Variants in KIAA1210 observed in about 807,000 individuals in gnomAD.
The protein encoded by KIAA1210 is KIAA1210, also known as acrosomal protein KIAA1210.
A neutral mutation model predicts 78.9 loss-of-function variants in KIAA1210; 48 were observed. The observed-to-expected ratio is 0.61, with a 90% CI of 0.48 to 0.77. The LOEUF (loss-of-function observed/expected upper bound fraction) is 0.77, where lower values mean the gene tolerates loss of function less well. Among genes scored for constraint, KIAA1210 ranks in the 30% least tolerant of loss-of-function variants. The pLI is 0.00. For missense variants in KIAA1210, 1,108 were observed against 1,100.0 expected, an observed-to-expected ratio of 1.01 and a Z score of -0.10; for synonymous variants, 406 against 404.5, an observed-to-expected ratio of 1.00 and a Z score of -0.04.
intron 8 of KIAA1210, among the ~76,000 whole-genome samples, chrX:119,093,410 CTTG>C (rs760180194): frequency 6.2e-5 from 7 of 112,200 alleles, no homozygotes; most frequent in Non-Finnish European, 1.3e-4. Flanking sequence ...AAACACCTCT[CTTG>C]TTGGAAATTC....
chrX:119,113,746 T>C (rs1042423494), intron 3 of KIAA1210, among the ~76,000 whole-genome samples: 2 of 111,699 alleles, frequency 1.8e-5, no homozygotes, highest in Admixed American at 1.9e-4. Context: ...AAAATGTGTA[T>C]GTTTATATAA....
chrX:119,123,571 G>T lies in KIAA1210; in HGVS notation c.61+11C>A. 8.6e-7 allele frequency: 1 copy of T among 1,163,959 alleles called. No homozygotes were observed. The highest frequency in any genetic ancestry group is 1.2e-6 in the Non-Finnish European group (1 of 855,704). On this transcript the variant is annotated intron_variant, in intron 2 of 11. Coordinates refer to ENST00000691062, the MANE Select transcript of KIAA1210 (RefSeq NM_001394962.1). ...TAATTCTGGTTATCAAAGTTTTATT[G>T]GGTTACTTACCCTCATCACCGGCCT...
At chrX:119,105,186 G>A in intron 5 of KIAA1210, 39 bp from the exon 6 acceptor site, 1 of 1,128,176 alleles carries the variant, frequency 8.9e-7, no homozygotes, top group East Asian at 3.2e-5. Flanking sequence ...TTTAAAACCT[G>A]TGCTCTCTTC....
intron 2 of KIAA1210, among the ~76,000 whole-genome samples, chrX:119,137,483 G>A (rs1364511988): frequency 8.9e-6 from 1 of 112,530 alleles, no homozygotes; most frequent in Non-Finnish European, 1.9e-5. Context: ...CCGAGTCATA[G>A]CCCCTCTTTG....
intron 2 of KIAA1210, among the ~76,000 whole-genome samples, chrX:119,119,985 AAAAAAAAAAAGAAAG>A (rs1392007159): frequency 1.1e-5 from 1 of 90,617 alleles, no homozygotes; most frequent in Non-Finnish European, 2.4e-5. Context: ...CAAAAAAAAA[AAAAAAAAAAAGAAAG>A]AAAGAAAAGA....
intron 5 of KIAA1210, 95 bp downstream of exon 5, chrX:119,108,242 G>A: frequency 1.2e-6 from 1 of 860,727 alleles, no homozygotes; most frequent in Non-Finnish European, 1.7e-6. Context: ...CTAGCCCAGG[G>A]GTCACACAGC....
At chrX:119,108,314 G>A (rs768679792) in intron 5 of KIAA1210, 23 bp downstream of exon 5, 15 of 1,195,646 alleles carry the variant, frequency 1.3e-5, no homozygotes, top group East Asian at 6.0e-5. Context: ...CTGCCCATGC[G>A]CTGAACAATT....
At position 119,080,954 on chromosome X, in the gene KIAA1210, A is replaced by G. The variant is rs1368400326; in HGVS notation, c.*375T>C. The stretch of plus-strand genomic sequence containing the variant: ...ACTACATAGAATTAATACAGCTATT[A>G]GCAATTATCATTTAAAACGCTGATG... On this transcript the variant is annotated 3_prime_UTR_variant, in exon 12 of 12. Transcript: ENST00000691062. 1 of 120,007 alleles carries G rather than the reference A, an allele frequency of 8.3e-6. No homozygotes were observed. The highest frequency in any genetic ancestry group is 1.7e-5 in the Non-Finnish European group (1 of 58,427). 9.9% of individuals were successfully genotyped at this position (120,007 alleles called of 1,213,427 possible). A position where few individuals can be genotyped will look rare whatever the true frequency, so the allele number is the denominator to read the frequency against.
chrX:119,087,509 C>T lies in KIAA1210; in HGVS notation c.3193G>A (p.Asp1065Asn), dbSNP rs776695772. 6.9e-5 allele frequency: 84 copies of T among 1,209,139 alleles called. 1 individual carries two copies. In the South Asian group the frequency reaches 1.4e-3, roughly 20 times the overall value. ...KPEVKHQVFS[D>N]SGSANPKGGI... ...CCCTTAGGATTAGCACTCCCTGAAT[C>T]TGAGAAAACTTGGTGCTTGACTTCA... The change falls in exon 9 of 12, where the codon GAT becomes AAT. Residue 1065 changes from aspartate (D) to asparagine (N), a missense_variant. Coordinates refer to ENST00000691062, the MANE Select transcript of KIAA1210 (RefSeq NM_001394962.1).
In KIAA1210 at chrX:119,081,172, C is replaced by T; in HGVS notation, c.*157G>A. 2 of 356,869 alleles carry T rather than the reference C, an allele frequency of 5.6e-6. No homozygotes were observed. The highest frequency in any genetic ancestry group is 8.9e-6 in the Non-Finnish European group (2 of 224,445). 29.4% of individuals were successfully genotyped at this position (356,869 alleles called of 1,213,427 possible). Reference sequence around the variant, plus strand: ...GTCCCAGCTAGTCGGGAGACTGAGGCGGGAGAGTGGCGTGAACCCGGGAGG... The same window carrying T: ...GTCCCAGCTAGTCGGGAGACTGAGGTGGGAGAGTGGCGTGAACCCGGGAGG... On this transcript the variant is annotated 3_prime_UTR_variant, in exon 12 of 12. Transcript: ENST00000691062.
At chrX:119,092,745 A>T (rs1333767145) in intron 8 of KIAA1210, among the ~76,000 whole-genome samples, 1 of 100,513 alleles carries the variant, frequency 9.9e-6, no homozygotes, top group Non-Finnish European at 2.0e-5. Context: ...TGGGTGACAG[A>T]GTGAGACTCC....
At chrX:119,092,223 C>A (rs1170827001) in intron 8 of KIAA1210, among the ~76,000 whole-genome samples, 1 of 111,938 alleles carries the variant, frequency 8.9e-6, no homozygotes, top group African/African-American at 3.3e-5. Flanking sequence ...TACTCCTCTC[C>A]TTTCTTCTAG....
At chrX:119,100,328 TAA>T (rs35969490) in intron 6 of KIAA1210, among the ~76,000 whole-genome samples, 859 of 46,522 alleles carry the variant, frequency 0.018, 17 homozygotes, top group African/African-American at 0.045. Context: ...AGACTGTCTT[TAA>T]AAAAAAAAAA....
At position 119,083,008 on chromosome X, in the gene KIAA1210, C is replaced by T. The variant is rs1176131036; in HGVS notation, c.4426+7G>A. The T allele has an allele frequency of 1.7e-6, 2 of 1,170,256 alleles. No individual in the cohort carries two copies. Among genetic ancestry groups the T allele is most frequent in the Non-Finnish European group, 2.3e-6 (2 of 865,505 alleles). Reference sequence around the variant, plus strand: ...GTTTTTTGAGAGGTCAGAATGTATGCTTTTACCTGATTTTGTAGGCTTAGG... The same window carrying T: ...GTTTTTTGAGAGGTCAGAATGTATGTTTTTACCTGATTTTGTAGGCTTAGG... On this transcript the variant is annotated splice_region_variant and intron_variant, in intron 11 of 11. Coordinates refer to ENST00000691062, the MANE Select transcript of KIAA1210 (RefSeq NM_001394962.1).
chrX:119,083,850 T>C lies in KIAA1210; in HGVS notation c.4321-730A>G, dbSNP rs771631078. Among the ~76,000 whole-genome samples the C allele has an allele frequency of 3.0e-4, 33 of 108,358 alleles. No homozygotes were observed. The East Asian group carries it at 7.8e-3, about 26-fold the overall frequency. 94.1% of individuals were successfully genotyped at this position (108,358 alleles called of 115,157 possible). A position where few individuals can be genotyped will look rare whatever the true frequency, so the allele number is the denominator to read the frequency against. On this transcript the variant is annotated intron_variant, in intron 10 of 11. Transcript: ENST00000691062. ...AAAAATTTTAAAAATTACCTGGGCA[T>C]GGTGGCGCACACCTATAGTGCCTAT...
chrX:119,150,591 G>A (rs200230685), upstream of KIAA1210: 259 of 1,189,922 alleles, frequency 2.2e-4, no homozygotes, highest in African/African-American at 4.2e-3. Context: ...TCCCCGCGTA[G>A]AGTTGACCTG....
intron 2 of KIAA1210, among the ~76,000 whole-genome samples, chrX:119,146,621 T>C (rs912095730): frequency 3.6e-5 from 4 of 112,100 alleles, no homozygotes. Context: ...GGTGAACTGG[T>C]AAATACGGCA....
chrX:119,116,480 C>G lies in KIAA1210; in HGVS notation c.230+16G>C, dbSNP rs1928267384. The G allele has an allele frequency of 1.7e-6, 2 of 1,207,513 alleles. No individual in the cohort carries two copies. The highest frequency in any genetic ancestry group is 2.2e-6 in the Non-Finnish European group (2 of 893,138). ...CTTCCCCTGTCCCCATCACTCTCCA[C>G]CGCATCTGAGCTCACCTGGCCTTAG... On this transcript the variant is annotated intron_variant, in intron 3 of 11. Transcript: ENST00000691062.
chrX:119,123,150 T>A (rs1928520084), intron 2 of KIAA1210, among the ~76,000 whole-genome samples: 1 of 112,259 alleles, frequency 8.9e-6, no homozygotes, highest in Non-Finnish European at 1.9e-5. Flanking sequence ...ACGAGTAAGT[T>A]TTGCCAAAGA....
Sources: allele counts gnomAD v4.1 joint callset (sites outside exome capture counted in the v4.1 genomes callset), GRCh38; gene constraint gnomAD v4.1.1; transcripts MANE v1.5; gene names NCBI Gene and HGNC (gene_info 2026-07-23, HGNC 2026-07-21).